Variants in LRRTM4 observed in about 807,000 individuals in gnomAD.
The protein encoded by LRRTM4 is leucine-rich repeat transmembrane neuronal protein 4.
LRRTM4 carries 25 observed loss-of-function variants against 47.6 expected under a neutral mutation model. That is an observed-to-expected ratio of 0.53 (90% CI 0.38 to 0.73). The LOEUF (loss-of-function observed/expected upper bound fraction) is 0.73, where lower values mean the gene tolerates loss of function less well. Ranked by LOEUF, LRRTM4 falls within the 30% of genes least tolerant of loss-of-function variation. The probability of loss-of-function intolerance (pLI) is 0.00; values close to 1 mark genes in which losing one functional copy is unlikely to be tolerated. For missense variants in LRRTM4, 638 were observed against 713.4 expected, an observed-to-expected ratio of 0.89 and a Z score of 1.20; for synonymous variants, 311 against 269.5, an observed-to-expected ratio of 1.15 and a Z score of -1.51.
chr2:76,975,069 C>G (rs536101979), intron 3 of LRRTM4, among the ~76,000 whole-genome samples: 1 of 151,716 alleles, frequency 6.6e-6, no homozygotes, highest in South Asian at 2.1e-4. Flanking sequence ...CAAAAACAAA[C>G]AAACCAACAA....
At chr2:76,975,818 C>T (rs1676401600) in intron 3 of LRRTM4, among the ~76,000 whole-genome samples, 1 of 151,626 alleles carries the variant, frequency 6.6e-6, no homozygotes, top group Admixed American at 6.6e-5. Context: ...CTTATACTCT[C>T]TTATTTATTT....
chr2:77,388,929 A>T (rs1433295105), intron 3 of LRRTM4, among the ~76,000 whole-genome samples: 4 of 152,072 alleles, frequency 2.6e-5, no homozygotes, highest in South Asian at 4.1e-4. Context: ...TGTTCATCCA[A>T]ATATCTATTA....
chr2:76,868,407 C>A (rs1344885326), intron 3 of LRRTM4, among the ~76,000 whole-genome samples: 3 of 151,888 alleles, frequency 2.0e-5, no homozygotes, highest in Admixed American at 1.3e-4. Flanking sequence ...TTAGTGTGAA[C>A]AAAATAGGAA....
At chr2:77,229,156 CTTA>C (rs886935487) in intron 3 of LRRTM4, among the ~76,000 whole-genome samples, 2 of 152,028 alleles carry the variant, frequency 1.3e-5, no homozygotes, top group Non-Finnish European at 2.9e-5. Context: ...TTCCTACCTA[CTTA>C]TTCTTTTTTG....
At chr2:77,316,048 T>C (rs1231940350) in intron 3 of LRRTM4, among the ~76,000 whole-genome samples, 2 of 152,210 alleles carry the variant, frequency 1.3e-5, no homozygotes, top group African/African-American at 4.8e-5. Flanking sequence ...TGGTCTGTCT[T>C]CTATTGTTGG....
At chr2:76,999,185 A>C (rs901895097) in intron 3 of LRRTM4, among the ~76,000 whole-genome samples, 1 of 152,090 alleles carries the variant, frequency 6.6e-6, no homozygotes, top group African/African-American at 2.4e-5. Flanking sequence ...GAAGGGCCAC[A>C]CATTAACATT....
intron 3 of LRRTM4, among the ~76,000 whole-genome samples, chr2:76,766,499 C>T (rs1280922249): frequency 6.6e-6 from 1 of 152,166 alleles, no homozygotes; most frequent in African/African-American, 2.4e-5. Flanking sequence ...ACCTTTTACC[C>T]CTTCAGTTCT....
At chr2:77,434,375 G>A (rs920507283) in intron 3 of LRRTM4, among the ~76,000 whole-genome samples, 5 of 151,950 alleles carry the variant, frequency 3.3e-5, no homozygotes, top group Non-Finnish European at 7.4e-5. Context: ...ACCTTTCATG[G>A]GCCTTGATGT....
chr2:77,232,323 A>G (rs77021059), intron 3 of LRRTM4, among the ~76,000 whole-genome samples: 5,185 of 152,312 alleles, frequency 0.034, 146 homozygotes, highest in African/African-American at 0.078. Flanking sequence ...TTTATACAAC[A>G]TTAGTATTTC....
chr2:77,054,169 G>T (rs73940262), intron 3 of LRRTM4, among the ~76,000 whole-genome samples: 4,370 of 152,198 alleles, frequency 0.029, 165 homozygotes, highest in African/African-American at 0.091. Flanking sequence ...TAACAGGGCA[G>T]GCCAGAGAGA....
rs1052391133 is a variant in LRRTM4, at chr2:76,882,576, T to C, written c.1552-133660A>G. 1.1e-4 allele frequency among the ~76,000 whole-genome samples: 16 copies of C among 151,938 alleles called. 1 individual carries two copies. The South Asian group carries it at 1.9e-3, about 18-fold the overall frequency. ...AAAATTAACCAAGCATGATGGTGCA[T>C]GCCTGTGGTCCCAGCTACTTGGGAC... is the stretch of plus-strand genomic sequence containing the variant. On this transcript the variant is annotated intron_variant, in intron 3 of 3. Transcript: ENST00000409884.
At chr2:77,134,784 AG>A (rs1254070278) in intron 3 of LRRTM4, among the ~76,000 whole-genome samples, 3 of 152,174 alleles carry the variant, frequency 2.0e-5, no homozygotes, top group Admixed American at 6.5e-5. Flanking sequence ...GTGCAAAAAA[AG>A]GGGGGATATC....
chr2:77,028,918 C>T (rs189823681), intron 3 of LRRTM4, among the ~76,000 whole-genome samples: 2,698 of 150,980 alleles, frequency 0.018, 72 homozygotes, highest in African/African-American at 0.062. Context: ...GCCTGTAGTC[C>T]CAGCTACTCG....
intron 3 of LRRTM4, among the ~76,000 whole-genome samples, chr2:77,107,446 A>C (rs1671121108): frequency 6.6e-6 from 1 of 152,228 alleles, no homozygotes; most frequent in Non-Finnish European, 1.5e-5. Context: ...TTTCTTGGAA[A>C]AATGAAACCA....
chr2:76,787,350 A>G (rs1433461020), intron 3 of LRRTM4, among the ~76,000 whole-genome samples: 1 of 152,134 alleles, frequency 6.6e-6, no homozygotes, highest in Non-Finnish European at 1.5e-5. Context: ...AATTATTTTC[A>G]TCTCTTTTCT....
intron 3 of LRRTM4, among the ~76,000 whole-genome samples, chr2:77,297,093 T>TTTGTTGTTATTGTTTTTTTGTTG (rs1676995189): frequency 6.6e-6 from 1 of 152,142 alleles, no homozygotes; most frequent in Non-Finnish European, 1.5e-5. Context: ...TCTTTTTGTT[T>TTTGTTGTTATTGTTTTTTTGTTG]TTGTTGTTAT....
At chr2:76,803,714 C>T (rs946117272) in intron 3 of LRRTM4, among the ~76,000 whole-genome samples, 2 of 152,098 alleles carry the variant, frequency 1.3e-5, no homozygotes, top group African/African-American at 4.8e-5. Flanking sequence ...TAAGATCCTG[C>T]CTACAAGTTA....
chr2:77,306,702 T>C (rs572064069), intron 3 of LRRTM4, among the ~76,000 whole-genome samples: 140 of 152,188 alleles, frequency 9.2e-4, no homozygotes, highest in African/African-American at 3.3e-3. Context: ...GTTCAATATA[T>C]TGACCCTGAC....
rs548326325 is a variant in LRRTM4, at chr2:77,222,626, C to A, written c.1551+295692G>T. ...ATCTAGAAGAAATGGATAAATTCCT[C>A]AACACATACACTCTTCCAAGACTAA... On this transcript the variant is annotated intron_variant, in intron 3 of 3. Coordinates refer to ENST00000409884, the MANE Select transcript of LRRTM4 (RefSeq NM_001134745.3). Among the ~76,000 whole-genome samples the A allele has an allele frequency of 5.9e-5, 9 of 152,136 alleles. No individual in the cohort carries two copies. The South Asian group carries it at 1.0e-3, about 18-fold the overall frequency.
Sources: allele counts gnomAD v4.1 joint callset (sites outside exome capture counted in the v4.1 genomes callset), GRCh38; gene constraint gnomAD v4.1.1; transcripts MANE v1.5; gene names NCBI Gene and HGNC (gene_info 2026-07-23, HGNC 2026-07-21).